Variants in CDC42BPA observed in about 807,000 individuals in gnomAD.
CDC42BPA encodes serine/threonine-protein kinase MRCK alpha.
Under a neutral mutation model 223.5 loss-of-function variants are expected in CDC42BPA, and 80 were observed. That is an observed-to-expected ratio of 0.36 (90% confidence interval 0.30 to 0.43). The LOEUF is 0.43. Ranked by LOEUF, CDC42BPA falls within the 20% of genes least tolerant of loss-of-function variation. CDC42BPA has a pLI of 1.00. For synonymous variants in CDC42BPA, 694 were observed against 718.6 expected (o/e 0.97, Z 0.55); for missense variants, 1,743 against 2,099.9 (o/e 0.83, Z 3.32).
chr1:227,005,086 G>A lies in CDC42BPA; in HGVS notation c.4883C>T (p.Thr1628Ile), dbSNP rs1436896648. 3 of 1,613,912 alleles carry A rather than the reference G, an allele frequency of 1.9e-6. No individual in the cohort carries two copies. The highest frequency in any genetic ancestry group is 3.3e-5 in the Admixed American group (2 of 60,026). Residue 1628 changes from threonine (T) to isoleucine (I), a missense_variant, in exon 35 of 37, where the codon ACA (threonine) becomes ATA (isoleucine). Thr to Ile is a moderately conservative substitution (Grantham distance 89). This residue lies in a region of CDC42BPA where 200 missense variants were observed against 192.8 expected (regional missense o/e 1.04). Transcript: ENST00000366766. Reference protein sequence around the residue: ...PMNPRPQESRTVFSGSVSIPS... With the variant: ...PMNPRPQESRIVFSGSVSIPS... The stretch of plus-strand genomic sequence containing the variant: ...AATACTGACTGAGCCACTGAATACT[G>A]TCCGACTTTCCTGAGGCCGAGGGTT...
intron 6 of CDC42BPA, among the ~76,000 whole-genome samples, chr1:227,148,772 C>CAAAAAAGAA (rs1187846598): frequency 6.3e-5 from 5 of 78,786 alleles, no homozygotes; most frequent in Non-Finnish European, 1.1e-4. Flanking sequence ...GTCTCAAAAG[C>CAAAAAAGAA]AAAAAAAAAA....
chr1:227,141,417 T>C (rs150959477), intron 9 of CDC42BPA, among the ~76,000 whole-genome samples: 5 of 152,226 alleles, frequency 3.3e-5, no homozygotes, highest in African/African-American at 1.2e-4. Context: ...AAAAAATTCA[T>C]GACATGAAAG....
intron 5 of CDC42BPA, among the ~76,000 whole-genome samples, chr1:227,171,049 C>G (rs1435015931): frequency 1.3e-5 from 2 of 152,054 alleles, no homozygotes; most frequent in African/African-American, 2.4e-5. Flanking sequence ...CAACCAGATA[C>G]TAAGAATTGT....
At chr1:227,212,152 C>G (rs546292442) in intron 3 of CDC42BPA, among the ~76,000 whole-genome samples, 1 of 150,254 alleles carries the variant, frequency 6.7e-6, no homozygotes, top group Non-Finnish European at 1.5e-5. Context: ...GTTATTAGTT[C>G]TGGGTAACAG....
intron 23 of CDC42BPA, among the ~76,000 whole-genome samples, chr1:227,042,638 C>G (rs1671618893): frequency 6.6e-6 from 1 of 152,028 alleles, no homozygotes; most frequent in African/African-American, 2.4e-5. Flanking sequence ...AAGAAAGACA[C>G]AGGAATGATC....
intron 5 of CDC42BPA, among the ~76,000 whole-genome samples, chr1:227,171,281 T>TAA (rs1666049476): frequency 6.6e-6 from 1 of 152,242 alleles, no homozygotes; most frequent in African/African-American, 2.4e-5. Context: ...AGATTTGGGT[T>TAA]AAAAGTTTTA....
rs796783349 is a variant in CDC42BPA, at chr1:227,142,158, G to T, written c.1223+787C>A. Among the ~76,000 whole-genome samples, 7 of 152,166 alleles carry T rather than the reference G, an allele frequency of 4.6e-5. 1 individual carries two copies. The South Asian group carries it at 1.4e-3, about 31-fold the overall frequency. The stretch of plus-strand genomic sequence containing the variant: ...AACTGTACAGGTAGAGAATAAAATT[G>T]TAATAGTTAATGTTCACTTAGCAAA... On this transcript the variant is annotated intron_variant, in intron 9 of 36. Transcript: ENST00000366766.
intron 5 of CDC42BPA, among the ~76,000 whole-genome samples, chr1:227,167,027 G>T (rs992448635): frequency 6.6e-6 from 1 of 152,104 alleles, no homozygotes; most frequent in East Asian, 1.9e-4. Flanking sequence ...TCAAAGAAAA[G>T]TAGGTAGATA....
intron 23 of CDC42BPA, among the ~76,000 whole-genome samples, chr1:227,047,395 C>A (rs1019788845): frequency 1.3e-5 from 2 of 151,732 alleles, no homozygotes; most frequent in Non-Finnish European, 2.9e-5. Context: ...GGTCTATTGA[C>A]CTCTCTCTCT....
intron 5 of CDC42BPA, among the ~76,000 whole-genome samples, chr1:227,170,741 C>T (rs76860817): frequency 0.054 from 8,221 of 152,272 alleles, 250 homozygotes; most frequent in Non-Finnish European, 0.073. Context: ...TGACCACAGA[C>T]GCTTCAGAAC....
chr1:227,239,897 ACTGT>A (rs1157823657), intron 2 of CDC42BPA, among the ~76,000 whole-genome samples: 7 of 152,122 alleles, frequency 4.6e-5, no homozygotes, highest in Non-Finnish European at 8.8e-5. Flanking sequence ...CCATTTCAAC[ACTGT>A]ATTAGAGGTC....
At position 226,994,513 on chromosome 1, in the gene CDC42BPA, G is replaced by A. The variant is rs532819758; in HGVS notation, c.5134-114C>T. On this transcript the variant is annotated intron_variant, in intron 36 of 36. Transcript: ENST00000366766. This position sits in a 1 kb window ranked among gnomAD's most constrained non-coding sequence, Gnocchi z 4.0. ...CCCTGACCAAATAACCCCATGGGGC[G>A]GCCTCACTGTCGGTATAAAGCCCCT... is the stretch of plus-strand genomic sequence containing the variant. 6.0e-5 allele frequency: 76 copies of A among 1,266,236 alleles called. No homozygotes were observed. The highest frequency in any genetic ancestry group is 7.5e-5 in the Non-Finnish European group (71 of 944,050). The allele number at this position is 1,266,236 out of a possible 1,614,324, so 78.4% of individuals were successfully genotyped here.
At chr1:227,042,634 G>A (rs1027936166) in intron 23 of CDC42BPA, among the ~76,000 whole-genome samples, 1 of 152,030 alleles carries the variant, frequency 6.6e-6, no homozygotes, top group African/African-American at 2.4e-5. Context: ...TATAAAGAAA[G>A]ACACAGGAAT....
At chr1:227,073,739 T>G in intron 19 of CDC42BPA, 125 bp downstream of exon 19, 1 of 702,340 alleles carries the variant, frequency 1.4e-6, no homozygotes, top group South Asian at 2.2e-5. Context: ...TTTTCAAATC[T>G]TTGTAACATA....
intron 11 of CDC42BPA, among the ~76,000 whole-genome samples, chr1:227,121,616 A>G (rs1186831333): frequency 3.3e-5 from 5 of 152,186 alleles, no homozygotes; most frequent in Admixed American, 3.3e-4. Flanking sequence ...ACTAAAAATC[A>G]TAGGGTGTTT....
chr1:227,214,501 C>T (rs962685219), intron 2 of CDC42BPA, among the ~76,000 whole-genome samples: 9 of 152,080 alleles, frequency 5.9e-5, no homozygotes, highest in East Asian at 1.9e-4. Context: ...AAACTTGAAA[C>T]GTTGTTTCAC....
At chr1:227,105,738 G>A (rs530227993) in intron 14 of CDC42BPA, among the ~76,000 whole-genome samples, 3 of 152,026 alleles carry the variant, frequency 2.0e-5, no homozygotes, top group African/African-American at 7.2e-5. Flanking sequence ...TACTTAGTAC[G>A]TTTTCGAGAT....
intron 25 of CDC42BPA, 51 bp downstream of exon 25, chr1:227,035,420 T>C: frequency 7.2e-7 from 1 of 1,383,566 alleles, no homozygotes. Flanking sequence ...TGATTTTAAT[T>C]CATTAATAAA....
At chr1:227,092,021 A>G (rs754695539) in intron 15 of CDC42BPA, 30 bp from the exon 16 acceptor site, 32 of 1,255,622 alleles carry the variant, frequency 2.5e-5, no homozygotes, top group Non-Finnish European at 3.4e-5. Context: ...AAAAGGAAAA[A>G]GGGGAATTAA....
Sources: gnomAD v4.1 joint callset for allele counts (sites outside exome capture counted in the v4.1 genomes callset) on GRCh38, gnomAD v4.1.1 for gene constraint, gnomAD v4.1.1 regional missense constraint, Gnocchi (gnomAD v3.1) non-coding constraint, MANE v1.5 for transcripts, NCBI Gene and HGNC (gene_info 2026-07-23, HGNC 2026-07-21) for gene names.